The following DLG2 variants were observed in gnomAD, a reference collection of about 807,000 sequenced individuals.
DLG2 encodes the protein discs large MAGUK scaffold protein 2.
A neutral mutation model predicts 132.5 loss-of-function variants in DLG2; 45 were observed. The ratio of observed to expected loss-of-function variants is 0.34; its 90% CI spans 0.27 to 0.44. The LOEUF is 0.44. Ranked by LOEUF, DLG2 falls within the 20% of genes least tolerant of loss-of-function variation. The pLI is 1.00. For synonymous variants in DLG2, 424 were observed against 419.6 expected (o/e 1.01, Z -0.13); for missense variants, 1,045 against 1,196.9 (o/e 0.87, Z 1.87).
At chr11:85,595,717 A>G (rs1168911315) in intron 3 of DLG2, among the ~76,000 whole-genome samples, 1 of 152,192 alleles carries the variant, frequency 6.6e-6, no homozygotes, top group African/African-American at 2.4e-5. Flanking sequence ...CATGCTTATC[A>G]GGTATCTTGT....
chr11:85,338,522 G>T (rs2152853958), intron 3 of DLG2, among the ~76,000 whole-genome samples: 1 of 151,800 alleles, frequency 6.6e-6, no homozygotes, highest in South Asian at 2.1e-4. Flanking sequence ...CTATATCCTG[G>T]TTAGTGTTGT....
intron 21 of DLG2, 142 bp from the exon 22 acceptor site, chr11:83,484,370 C>A: frequency 1.6e-6 from 1 of 615,922 alleles, no homozygotes; most frequent in East Asian, 2.9e-5. Context: ...CCAGAGAGTT[C>A]TAAAGGTCGA....
At chr11:85,504,906 T>C (rs2093892800) in intron 3 of DLG2, among the ~76,000 whole-genome samples, 1 of 152,214 alleles carries the variant, frequency 6.6e-6, no homozygotes, top group South Asian at 2.1e-4. Context: ...GCTTTGTAGT[T>C]CTCCTTGAAG....
intron 7 of DLG2, among the ~76,000 whole-genome samples, chr11:84,478,839 A>G (rs556787821): frequency 9.9e-4 from 150 of 152,218 alleles, no homozygotes; most frequent in Non-Finnish European, 1.8e-3. Context: ...CTGAATCCCA[A>G]AACTAGAATC....
At chr11:83,484,105 CATT>C in intron 22 of DLG2, 21 bp downstream of exon 22, 1 of 1,590,984 alleles carries the variant, frequency 6.3e-7, no homozygotes, top group Non-Finnish European at 8.6e-7. Context: ...TTGCATGTGA[CATT>C]ATCTTTCAGA....
intron 7 of DLG2, among the ~76,000 whole-genome samples, chr11:84,325,120 C>T (rs1254115149): frequency 6.6e-6 from 1 of 151,890 alleles, no homozygotes; most frequent in Non-Finnish European, 1.5e-5. Flanking sequence ...CAGTTTTTCA[C>T]CATTGAGTAT....
chr11:85,076,283 G>C (rs2066537666), intron 6 of DLG2, among the ~76,000 whole-genome samples: 1 of 151,870 alleles, frequency 6.6e-6, no homozygotes, highest in Non-Finnish European at 1.5e-5. Flanking sequence ...GGGTTAGTCT[G>C]AAAACTGTTG....
At chr11:85,471,050 C>G (rs183748786) in intron 3 of DLG2, among the ~76,000 whole-genome samples, 15 of 152,300 alleles carry the variant, frequency 9.8e-5, no homozygotes, top group Admixed American at 2.6e-4. Flanking sequence ...AGGTTTCTCT[C>G]ACTCTGAGGT....
intron 6 of DLG2, among the ~76,000 whole-genome samples, chr11:84,721,823 T>C (rs983864561): frequency 6.6e-6 from 1 of 152,186 alleles, no homozygotes; most frequent in African/African-American, 2.4e-5. Context: ...TACCTGTAAC[T>C]AGATGGTATT....
At chr11:84,573,225 A>T (rs571294306) in intron 6 of DLG2, among the ~76,000 whole-genome samples, 2 of 152,104 alleles carry the variant, frequency 1.3e-5, no homozygotes, top group Admixed American at 6.5e-5. Context: ...AGCTAAGTAA[A>T]TTTTTTTCAT....
chr11:85,503,961 G>A (rs2093866717), intron 3 of DLG2, among the ~76,000 whole-genome samples: 1 of 152,086 alleles, frequency 6.6e-6, no homozygotes, highest in African/African-American at 2.4e-5. Context: ...AGGAGGGACA[G>A]TGATGATGAG....
chr11:85,330,808 A>G (rs1277438002), intron 3 of DLG2, among the ~76,000 whole-genome samples: 70 of 150,150 alleles, frequency 4.7e-4, no homozygotes, highest in Non-Finnish European at 8.2e-4. Flanking sequence ...AAAAAAAAAA[A>G]AAAAGAAAAA....
intron 3 of DLG2, among the ~76,000 whole-genome samples, chr11:85,470,793 C>G (rs558408652): frequency 6.6e-6 from 1 of 152,112 alleles, no homozygotes; most frequent in Admixed American, 6.5e-5. Flanking sequence ...CAAATTTTAC[C>G]AGAAGCTAAA....
At chr11:85,009,339 AG>A (rs1197071257) in intron 6 of DLG2, among the ~76,000 whole-genome samples, 3 of 152,136 alleles carry the variant, frequency 2.0e-5, no homozygotes, top group African/African-American at 7.2e-5. Context: ...AAGAGCTATA[AG>A]AAATAAAATA....
At chr11:83,979,887 A>T (rs538294625) in intron 12 of DLG2, among the ~76,000 whole-genome samples, 53 of 152,322 alleles carry the variant, frequency 3.5e-4, no homozygotes, top group African/African-American at 1.2e-3. Flanking sequence ...GAGACACATT[A>T]TGTTGGAAGA....
chr11:84,411,736 T>C (rs1232838452), intron 7 of DLG2, among the ~76,000 whole-genome samples: 1 of 152,210 alleles, frequency 6.6e-6, no homozygotes, highest in Non-Finnish European at 1.5e-5. Flanking sequence ...TATAGTATCA[T>C]AGTATTACAC....
intron 6 of DLG2, among the ~76,000 whole-genome samples, chr11:84,556,510 T>G (rs756224245): frequency 9.9e-5 from 15 of 152,180 alleles, no homozygotes; most frequent in Non-Finnish European, 1.3e-4. Flanking sequence ...AACACACTGA[T>G]AGCTGATGAG....
chr11:84,020,808 A>G (rs1406609156), intron 11 of DLG2, among the ~76,000 whole-genome samples: 2 of 152,182 alleles, frequency 1.3e-5, no homozygotes, highest in Non-Finnish European at 2.9e-5. Flanking sequence ...AATTAGAACG[A>G]TTGCCATTAA....
chr11:85,358,172 A>T (rs933873662), intron 3 of DLG2, among the ~76,000 whole-genome samples: 5 of 152,146 alleles, frequency 3.3e-5, no homozygotes, highest in African/African-American at 7.2e-5. Flanking sequence ...AAACTTTTTT[A>T]AAAAAATAGT....
Sources: allele counts gnomAD v4.1 joint callset (sites outside exome capture counted in the v4.1 genomes callset), GRCh38; gene constraint gnomAD v4.1.1; transcripts MANE v1.5; gene names NCBI Gene and HGNC (gene_info 2026-07-23, HGNC 2026-07-21).